BAG3: variants seen among roughly 807,000 people sequenced by gnomAD.
BAG3 encodes the protein BAG family molecular chaperone regulator 3.
In BAG3, 14 loss-of-function variants were observed where a neutral mutation model predicts 40.5. That is an observed-to-expected ratio of 0.35 (90% CI 0.23 to 0.54). The LOEUF (loss-of-function observed/expected upper bound fraction) is 0.54, where lower values mean the gene tolerates loss of function less well. Ranked by LOEUF, BAG3 falls within the 20% of genes least tolerant of loss-of-function variation. BAG3 has a pLI of 0.91. For missense variants in BAG3, 788 were observed against 758.6 expected, an observed-to-expected ratio of 1.04 and a Z score of -0.46; for synonymous variants, 302 against 307.8, an observed-to-expected ratio of 0.98 and a Z score of 0.20.
intron 1 of BAG3, among the ~76,000 whole-genome samples, chr10:119,655,823 A>G (rs1052991204): frequency 7.2e-5 from 11 of 152,088 alleles, no homozygotes; most frequent in African/African-American, 2.4e-4. Flanking sequence ...CGAGAACATC[A>G]TTTGTCCCGT....
Position 119,672,201 on chromosome 10 carries a change from CA to C in BAG3, c.508-52del. ...ACAGCAGAAGGCGTGGTCAGGATGCCAAGCCAGGGGAGTCATTTGTGGGGTC... is the reference window on the plus strand; with the variant it reads ...ACAGCAGAAGGCGTGGTCAGGATGCCAGCCAGGGGAGTCATTTGTGGGGTC... On this transcript the variant is annotated intron_variant, in intron 2 of 3. Coordinates refer to ENST00000369085, the MANE Select transcript of BAG3 (RefSeq NM_004281.4). The surrounding 1 kb of genome is among the most constrained non-coding windows in gnomAD (Gnocchi z 4.8). 6.2e-7 allele frequency: 1 copy of C among 1,606,568 alleles called. No homozygotes were observed.
intron 1 of BAG3, among the ~76,000 whole-genome samples, chr10:119,659,212 A>G (rs1041832412): frequency 5.3e-5 from 8 of 152,192 alleles, no homozygotes; most frequent in African/African-American, 1.9e-4. Context: ...CCATGCGTCC[A>G]TAGATGCATC....
chr10:119,658,570 C>T (rs1846947122), intron 1 of BAG3, among the ~76,000 whole-genome samples: 1 of 152,212 alleles, frequency 6.6e-6, no homozygotes, highest in Non-Finnish European at 1.5e-5. Context: ...AAGCCTTTCT[C>T]TCCTGCTGCC....
In BAG3 at chr10:119,676,785, G is replaced by A. The variant is rs750627409; in HGVS notation, c.1231G>A (p.Gly411Arg). ...APAEATPPKP[G>R]EAEAPPKHPG... ...TGCAGAAGCTACACCTCCAAAACCA[G>A]GAGAAGCCGAGGCTCCCCCAAAACA... Residue 411 changes from glycine to arginine, a missense_variant, in exon 4 of 4, where the codon GGA becomes AGA. Transcript: ENST00000369085. 26 of 1,613,940 alleles carry A rather than the reference G, an allele frequency of 1.6e-5. 1 individual carries two copies. In the South Asian group the frequency reaches 2.5e-4, roughly 16 times the overall value.
chr10:119,660,546 A>G (rs1356501314), intron 1 of BAG3, among the ~76,000 whole-genome samples: 2 of 152,162 alleles, frequency 1.3e-5, no homozygotes, highest in African/African-American at 4.8e-5. Flanking sequence ...AGACAGACTA[A>G]AGAATTAGGC....
At position 119,676,642 on chromosome 10, in the gene BAG3, A is replaced by G. The variant is rs1345725468; in HGVS notation, c.1088A>G (p.Glu363Gly). ...CCCCCACCTCCCTCTGAGAAGGTAG[A>G]GGTGAAAGTTCCCCCTGCTCCAGTT... Reference protein sequence around the residue: ...QKPPPPSEKVEVKVPPAPVPC... With the variant: ...QKPPPPSEKVGVKVPPAPVPC... Residue 363 changes from glutamate (E) to glycine (G), a missense_variant, in exon 4 of 4, where the codon GAG becomes GGG. Transcript: ENST00000369085. The G allele has an allele frequency of 1.2e-6, 2 of 1,614,018 alleles. No individual in the cohort carries two copies. Among genetic ancestry groups the G allele is most frequent in the African/African-American group, 1.3e-5 (1 of 74,906 alleles).
chr10:119,666,834 A>T (rs970744777), intron 1 of BAG3, among the ~76,000 whole-genome samples: 1 of 152,164 alleles, frequency 6.6e-6, no homozygotes, highest in African/African-American at 2.4e-5. Context: ...CCATACACCC[A>T]TTTACCACTG....
At chr10:119,658,842 C>T (rs916394320) in intron 1 of BAG3, among the ~76,000 whole-genome samples, 3 of 152,160 alleles carry the variant, frequency 2.0e-5, no homozygotes, top group South Asian at 2.1e-4. Context: ...GTGTGGGAGG[C>T]GAACGTCCCA....
intron 1 of BAG3, among the ~76,000 whole-genome samples, chr10:119,665,116 GTGTGTGTGTGTA>G (rs1847043371): frequency 1.3e-5 from 1 of 78,104 alleles, no homozygotes; most frequent in South Asian, 4.0e-4. Flanking sequence ...GTGTGTGTGT[GTGTGTGTGTGTA>G]TATATATATA....
intron 1 of BAG3, among the ~76,000 whole-genome samples, chr10:119,665,093 TGTGTGTGTGTGTG>T (rs1389766410): frequency 6.6e-4 from 10 of 15,186 alleles, no homozygotes; most frequent in East Asian, 3.6e-3. Flanking sequence ...AATTTTTGTT[TGTGTGTGTGTGTG>T]TGTGTGTGTG....
At chr10:119,652,899 A>AT (rs1417672966) in intron 1 of BAG3, among the ~76,000 whole-genome samples, 2 of 152,198 alleles carry the variant, frequency 1.3e-5, no homozygotes, top group Non-Finnish European at 2.9e-5. Context: ...TATTCTTTCA[A>AT]TTTTTTATAA....
chr10:119,653,159 C>G (rs1471475380), intron 1 of BAG3, among the ~76,000 whole-genome samples: 1 of 152,136 alleles, frequency 6.6e-6, no homozygotes, highest in Non-Finnish European at 1.5e-5. Context: ...GCAGTGAGAC[C>G]GTGTACAGGC....
intron 1 of BAG3, among the ~76,000 whole-genome samples, chr10:119,666,479 A>C (rs1847068844): frequency 6.6e-6 from 1 of 152,096 alleles, no homozygotes; most frequent in South Asian, 2.1e-4. Flanking sequence ...GTGCAGACAG[A>C]GTTGTTTTTC....
intron 1 of BAG3, among the ~76,000 whole-genome samples, chr10:119,655,317 C>T (rs558977017): frequency 5.3e-5 from 8 of 152,276 alleles, no homozygotes; most frequent in Admixed American, 4.6e-4. Flanking sequence ...CAGAGATCTT[C>T]CTGGACCCCA....
chr10:119,670,689 A>C (rs957342393), intron 2 of BAG3, among the ~76,000 whole-genome samples: 4 of 152,202 alleles, frequency 2.6e-5, no homozygotes, highest in Non-Finnish European at 4.4e-5. Context: ...CGTGCACCAC[A>C]GTTTCAAAAG....
chr10:119,677,046 G>T lies in BAG3; in HGVS notation c.1492G>T (p.Ala498Ser). ...CATCTTGGAAAAACTTGAACAGAAA[G>T]CCATTGATGTCCCAGGTCAAGTCCA... is the stretch of plus-strand genomic sequence containing the variant. ...QTILEKLEQK[A>S]IDVPGQVQVY... The change falls in exon 4 of 4, where the codon GCC (alanine) becomes TCC (serine). Residue 498 changes from alanine (A) to serine (S), a missense_variant. Transcript: ENST00000369085. 1 of 1,614,186 alleles carries T rather than the reference G, an allele frequency of 6.2e-7. No individual in the cohort carries two copies. The highest frequency in any genetic ancestry group is 8.5e-7 in the Non-Finnish European group (1 of 1,180,042).
rs770421648 is a variant in BAG3, at chr10:119,665,141, T to TTTTTTTTTTTTC, written c.181-4710_181-4709insTTTTTTTTTTTC. Among the ~76,000 whole-genome samples the TTTTTTTTTTTTC allele has an allele frequency of 6.4e-4, 55 of 85,888 alleles. 1 individual carries two copies. Among genetic ancestry groups the TTTTTTTTTTTTC allele is most frequent in the Non-Finnish European group, 7.4e-4 (31 of 41,702 alleles). The allele number at this position is 85,888 out of a possible 152,430, so 56.3% of individuals were successfully genotyped here. A position where few individuals can be genotyped will look rare whatever the true frequency, so the allele number is the denominator to read the frequency against. ...GTGTGTGTGTGTATATATATATATA[T>TTTTTTTTTTTTC]ATATTTTTTTTTTTAGTTGGAGTCT... On this transcript the variant is annotated intron_variant, in intron 1 of 3. Transcript: ENST00000369085.
At chr10:119,655,805 T>C (rs564954366) in intron 1 of BAG3, among the ~76,000 whole-genome samples, 2 of 152,298 alleles carry the variant, frequency 1.3e-5, no homozygotes, top group Admixed American at 6.5e-5. Context: ...GAGAACCGAC[T>C]GCACCTCCGA....
In BAG3 at chr10:119,675,345, A is replaced by G. The variant is rs139879819; in HGVS notation, c.910-1119A>G. Among the ~76,000 whole-genome samples the G allele has an allele frequency of 4.3e-3, 657 of 152,262 alleles. 4 individuals are homozygous for G. The highest frequency in any genetic ancestry group is 6.6e-3 in the Non-Finnish European group (447 of 68,006). On this transcript the variant is annotated intron_variant, in intron 3 of 3. Transcript: ENST00000369085. ...GAGACCCTGTCCCCCACAAAAATCTATATATCTATATGGCTGTAGTTTATA... is the reference window on the plus strand; with the variant it reads ...GAGACCCTGTCCCCCACAAAAATCTGTATATCTATATGGCTGTAGTTTATA...
Sources: allele counts gnomAD v4.1 joint callset (sites outside exome capture counted in the v4.1 genomes callset), GRCh38; gene constraint gnomAD v4.1.1; non-coding constraint Gnocchi (gnomAD v3.1); transcripts MANE v1.5; gene names NCBI Gene and HGNC (gene_info 2026-07-23, HGNC 2026-07-21).